The following ATP10B variants were observed in gnomAD, a reference collection of about 807,000 sequenced individuals.
ATP10B encodes phospholipid-transporting ATPase VB.
A neutral mutation model predicts 141.2 loss-of-function variants in ATP10B; 122 were observed. The observed-to-expected ratio is 0.86, with a 90% CI of 0.75 to 1.00. The LOEUF (loss-of-function observed/expected upper bound fraction) is 1.00, where lower values mean the gene tolerates loss of function less well. ATP10B is among the 50% of genes least tolerant of loss of function. ATP10B has a pLI of 0.00. For synonymous variants in ATP10B, 685 were observed against 692.0 expected (o/e 0.99, Z 0.16); for missense variants, 1,876 against 1,825.3 (o/e 1.03, Z -0.51).
chr5:160,921,017 C>G, the ATP10B span, among the ~76,000 whole-genome samples: 1 of 152,046 alleles, frequency 6.6e-6, no homozygotes, highest in African/African-American at 2.4e-5. Flanking sequence ...CAACACAAAT[C>G]AAATAGTAAG....
At chr5:160,736,745 G>A (rs1205418400) in intron 2 of ATP10B, among the ~76,000 whole-genome samples, 2 of 152,106 alleles carry the variant, frequency 1.3e-5, no homozygotes, top group Non-Finnish European at 2.9e-5. Flanking sequence ...GGGTGACAGA[G>A]TGAGACCCCA....
At chr5:160,682,507 C>T (rs1763467340) in intron 6 of ATP10B, among the ~76,000 whole-genome samples, 1 of 152,192 alleles carries the variant, frequency 6.6e-6, no homozygotes, top group South Asian at 2.1e-4. Context: ...GTCCTGCCAG[C>T]TCCCAGCACA....
At chr5:160,626,037 T>C (rs966489236) in intron 13 of ATP10B, among the ~76,000 whole-genome samples, 1 of 152,268 alleles carries the variant, frequency 6.6e-6, no homozygotes, top group African/African-American at 2.4e-5. Flanking sequence ...GGCAAGGCTC[T>C]TCATGGCTCC....
At chr5:160,700,078 G>A (rs1764590146) in intron 3 of ATP10B, among the ~76,000 whole-genome samples, 1 of 152,146 alleles carries the variant, frequency 6.6e-6, no homozygotes, top group African/African-American at 2.4e-5. Flanking sequence ...CCACAGGAAA[G>A]AGTGGAGAAT....
the ATP10B span, among the ~76,000 whole-genome samples, chr5:160,867,644 T>C: frequency 6.6e-6 from 1 of 152,130 alleles, no homozygotes; most frequent in African/African-American, 2.4e-5. Context: ...AAATGACCAA[T>C]GTTACAGAAC....
chr5:160,864,653 A>G, the ATP10B span, among the ~76,000 whole-genome samples: 2 of 152,010 alleles, frequency 1.3e-5, no homozygotes, highest in East Asian at 3.9e-4. Context: ...GTTTACTGAT[A>G]TGATTGTATA....
chr5:160,786,880 A>G (rs577661944), intron 1 of ATP10B, among the ~76,000 whole-genome samples: 21 of 152,228 alleles, frequency 1.4e-4, no homozygotes, highest in Non-Finnish European at 2.1e-4. Flanking sequence ...TCCAGGGGAC[A>G]GCTGAACTAA....
chr5:160,694,312 A>C (rs1275122207), intron 3 of ATP10B, among the ~76,000 whole-genome samples: 1 of 152,158 alleles, frequency 6.6e-6, no homozygotes, highest in Non-Finnish European at 1.5e-5. Context: ...AGAACTCCCT[A>C]AGTTCCTTCC....
intron 1 of ATP10B, among the ~76,000 whole-genome samples, chr5:160,844,111 G>A (rs763706499): frequency 6.6e-6 from 1 of 152,148 alleles, no homozygotes; most frequent in Non-Finnish European, 1.5e-5. Context: ...TGGTGGGAAT[G>A]TAAATTGGAA....
chr5:160,726,006 C>T lies in ATP10B; in HGVS notation c.-330-8972G>A, dbSNP rs190749952. ...TTTTGGAGAGAATAAACATGGAAGG[C>T]TAATCTCAATCATGGAATGAGAGTC... On this transcript the variant is annotated intron_variant, in intron 2 of 25. Transcript: ENST00000327245. Among the ~76,000 whole-genome samples the T allele has an allele frequency of 6.4e-4, 97 of 152,172 alleles. 1 individual carries two copies. Among genetic ancestry groups the T allele is most frequent in the African/African-American group, 2.2e-3 (93 of 41,498 alleles).
chr5:160,771,528 TTTGA>T (rs1458831750), intron 2 of ATP10B, among the ~76,000 whole-genome samples: 7 of 152,160 alleles, frequency 4.6e-5, no homozygotes, highest in Non-Finnish European at 1.0e-4. Context: ...CCTTAAAAAA[TTTGA>T]TTGTGTGTAT....
At chr5:160,643,680 C>A (rs1760052849) in intron 9 of ATP10B, among the ~76,000 whole-genome samples, 1 of 152,184 alleles carries the variant, frequency 6.6e-6, no homozygotes, top group African/African-American at 2.4e-5. Flanking sequence ...CCTCTCTTTG[C>A]TATAGGCAGT....
chr5:160,642,452 T>C (rs767849528), intron 9 of ATP10B, among the ~76,000 whole-genome samples: 9 of 152,092 alleles, frequency 5.9e-5, no homozygotes, highest in Non-Finnish European at 1.2e-4. Flanking sequence ...TTCTGGACCA[T>C]TGCTCTCACC....
chr5:160,673,888 G>T (rs1339686862), intron 6 of ATP10B, among the ~76,000 whole-genome samples: 1 of 152,212 alleles, frequency 6.6e-6, no homozygotes, highest in Non-Finnish European at 1.5e-5. Flanking sequence ...ATCTCATAGA[G>T]TGAAGGAGAG....
At chr5:160,735,096 TAA>T (rs749051676) in intron 2 of ATP10B, among the ~76,000 whole-genome samples, 3 of 128,490 alleles carry the variant, frequency 2.3e-5, no homozygotes, top group Admixed American at 7.8e-5. Flanking sequence ...AAGAGAAGAT[TAA>T]AAAAAAAAAA....
rs1400225290 is a variant in ATP10B at position 160,589,716 on chromosome 5, A to C, written c.3646-20T>G. ...ATAGGCCTGCAGAGGAGGAACAGAC[A>C]GGCATTGTCAGGTATGTCTGTGGAC... On this transcript the variant is annotated intron_variant, in intron 23 of 25. Transcript: ENST00000327245. 3 of 1,568,576 alleles carry C rather than the reference A, an allele frequency of 1.9e-6. No individual in the cohort carries two copies. Among genetic ancestry groups the C allele is most frequent in the Admixed American group, 3.3e-5 (2 of 59,872 alleles).
chr5:160,869,020 A>G, the ATP10B span, among the ~76,000 whole-genome samples: 1 of 152,204 alleles, frequency 6.6e-6, no homozygotes, highest in Admixed American at 6.6e-5. Flanking sequence ...TGCTTCTGCC[A>G]TCTTGGCTAT....
chr5:160,874,425 A>T, the ATP10B span, among the ~76,000 whole-genome samples: 3 of 151,932 alleles, frequency 2.0e-5, no homozygotes, highest in South Asian at 2.1e-4. Context: ...AAAACCACAA[A>T]GATGGGGAAA....
intron 13 of ATP10B, among the ~76,000 whole-genome samples, chr5:160,631,072 G>A (rs1342097555): frequency 2.6e-5 from 4 of 152,238 alleles, no homozygotes; most frequent in Admixed American, 2.6e-4. Context: ...TGTATTCATG[G>A]GGGAAATAAA....
Sources: allele counts gnomAD v4.1 joint callset (sites outside exome capture counted in the v4.1 genomes callset), GRCh38; gene constraint gnomAD v4.1.1; transcripts MANE v1.5; gene names NCBI Gene and HGNC (gene_info 2026-07-23, HGNC 2026-07-21).